The following HS3ST4 variants were observed in gnomAD, a reference collection of about 807,000 sequenced individuals.
HS3ST4 encodes the protein heparan sulfate-glucosamine 3-sulfotransferase 4.
HS3ST4 carries 17 observed loss-of-function variants against 29.2 expected under a neutral mutation model. The ratio of observed to expected loss-of-function variants is 0.58; its 90% confidence interval spans 0.40 to 0.87. The LOEUF is 0.87. HS3ST4 is among the 40% of genes least tolerant of loss of function. The pLI, the probability that HS3ST4 is intolerant of heterozygous loss-of-function variation, is 0.00. For missense variants in HS3ST4, 627 were observed against 634.5 expected (o/e 0.99, Z 0.13); for synonymous variants, 314 against 285.7 (o/e 1.10, Z -1.00).
chr16:25,919,688 G>A (rs1015482999), intron 1 of HS3ST4, among the ~76,000 whole-genome samples: 1 of 152,166 alleles, frequency 6.6e-6, no homozygotes, highest in Non-Finnish European at 1.5e-5. Context: ...CAGATGCTTT[G>A]AGGAAGAATT....
intron 1 of HS3ST4, among the ~76,000 whole-genome samples, chr16:26,129,969 G>A (rs1316919317): frequency 6.6e-6 from 1 of 152,202 alleles, no homozygotes; most frequent in Non-Finnish European, 1.5e-5. Context: ...AGGAATTCAA[G>A]GTTGCAGTGA....
intron 1 of HS3ST4, among the ~76,000 whole-genome samples, chr16:25,782,143 A>G (rs1567238852): frequency 6.6e-6 from 1 of 152,198 alleles, no homozygotes. Flanking sequence ...AGGAAAAACT[A>G]TAATTTACAA....
rs140596443 is a variant in HS3ST4 at position 26,115,266 on chromosome 16, TACACAC to T, written c.735-20330_735-20325del. Among the ~76,000 whole-genome samples, 5 of 148,578 alleles carry T rather than the reference TACACAC, an allele frequency of 3.4e-5. No homozygotes were observed. In the South Asian group the frequency reaches 6.4e-4, roughly 19 times the overall value. On this transcript the variant is annotated intron_variant, in intron 1 of 1. Transcript: ENST00000331351. ...GTGTGTATATATATATACATATATA[TACACAC>T]ACACACACACACACAAGTATAAACG... is the stretch of plus-strand genomic sequence containing the variant.
chr16:25,970,391 G>T (rs1208183904), intron 1 of HS3ST4, among the ~76,000 whole-genome samples: 1 of 152,210 alleles, frequency 6.6e-6, no homozygotes, highest in African/African-American at 2.4e-5. Flanking sequence ...AAGGAGAGTT[G>T]TGGCCTATGA....
chr16:25,894,251 C>T (rs1968038159), intron 1 of HS3ST4, among the ~76,000 whole-genome samples: 1 of 152,116 alleles, frequency 6.6e-6, no homozygotes, highest in Admixed American at 6.5e-5. Context: ...TCCTAGTTTA[C>T]AGGAGCAATT....
intron 1 of HS3ST4, among the ~76,000 whole-genome samples, chr16:25,717,452 A>T (rs886689839): frequency 6.6e-6 from 1 of 151,816 alleles, no homozygotes; most frequent in Non-Finnish European, 1.5e-5. Context: ...GACCAGGGAG[A>T]TTCCTCTGAA....
chr16:25,716,109 A>G (rs12445387), intron 1 of HS3ST4, among the ~76,000 whole-genome samples: 19,550 of 152,232 alleles, frequency 0.13, 1,316 homozygotes, highest in Non-Finnish European at 0.14. Flanking sequence ...CAACAAATAC[A>G]TTTATGTGTC....
intron 1 of HS3ST4, among the ~76,000 whole-genome samples, chr16:25,815,316 GTCTT>G (rs1967082429): frequency 1.3e-5 from 2 of 152,104 alleles, no homozygotes; most frequent in African/African-American, 4.8e-5. Flanking sequence ...CAATTTTGGA[GTCTT>G]TCTTTAAGCA....
At chr16:25,857,398 G>A (rs933498289) in intron 1 of HS3ST4, among the ~76,000 whole-genome samples, 14 of 152,148 alleles carry the variant, frequency 9.2e-5, no homozygotes, top group Admixed American at 2.6e-4. Context: ...TGGGAGTGAT[G>A]GGTTGTCTAA....
chr16:26,079,869 G>C (rs1281864076), intron 1 of HS3ST4, among the ~76,000 whole-genome samples: 1 of 152,184 alleles, frequency 6.6e-6, no homozygotes, highest in Non-Finnish European at 1.5e-5. Context: ...ATGTAAACAT[G>C]GATAGTAATG....
chr16:26,134,327 A>ATTTTCTTTTCTTTTC (rs757624599), intron 1 of HS3ST4, among the ~76,000 whole-genome samples: 1 of 129,726 alleles, frequency 7.7e-6, no homozygotes, highest in East Asian at 2.4e-4. Context: ...TCTCAACTGA[A>ATTTTCTTTTCTTTTC]TTTTCTTTTC....
intron 1 of HS3ST4, among the ~76,000 whole-genome samples, chr16:25,928,218 AGCCAGGCATT>A (rs1230812160): frequency 5.2e-4 from 79 of 151,240 alleles, no homozygotes; most frequent in African/African-American, 1.9e-3. Context: ...AAAAAAATTT[AGCCAGGCATT>A]GTGGCCTGTG....
At chr16:25,986,806 G>A (rs887126302) in intron 1 of HS3ST4, among the ~76,000 whole-genome samples, 1 of 152,230 alleles carries the variant, frequency 6.6e-6, no homozygotes, top group Non-Finnish European at 1.5e-5. Context: ...CTGATCATTA[G>A]GTGTTCCAGC....
intron 1 of HS3ST4, among the ~76,000 whole-genome samples, chr16:25,992,286 G>A (rs1335724012): frequency 1.3e-5 from 2 of 152,196 alleles, no homozygotes; most frequent in African/African-American, 2.4e-5. Context: ...AGATGAAACC[G>A]ATTTAGACCT....
chr16:25,752,646 C>G (rs1966729663), intron 1 of HS3ST4, among the ~76,000 whole-genome samples: 1 of 152,190 alleles, frequency 6.6e-6, no homozygotes. Flanking sequence ...TCTTCATTGT[C>G]TTAGATTAAC....
At chr16:26,032,252 G>T (rs1969537845) in intron 1 of HS3ST4, among the ~76,000 whole-genome samples, 1 of 152,126 alleles carries the variant, frequency 6.6e-6, no homozygotes, top group Non-Finnish European at 1.5e-5. Context: ...AGGTGGCCAT[G>T]TGTGTCAAAG....
chr16:26,028,623 C>T (rs2141751976), intron 1 of HS3ST4, among the ~76,000 whole-genome samples: 2 of 152,288 alleles, frequency 1.3e-5, no homozygotes, highest in Middle Eastern at 6.8e-3. Flanking sequence ...GGGCTAGTTT[C>T]TGTGCCAACC....
chr16:26,034,173 G>A (rs1027925792), intron 1 of HS3ST4, among the ~76,000 whole-genome samples: 1 of 152,248 alleles, frequency 6.6e-6, no homozygotes, highest in East Asian at 1.9e-4. Flanking sequence ...CTGGAAGGAG[G>A]ACAGAGCAAG....
At position 26,135,871 on chromosome 16, in the gene HS3ST4, C is replaced by G. The variant is rs267604480; in HGVS notation, c.994C>G (p.Arg332Gly). The change falls in exon 2 of 2, where the codon CGA becomes GGA. Residue 332 changes from arginine (R) to glycine (G), a missense_variant. Transcript: ENST00000331351. ...GATCGATGCTTCCTGGAGTGCCATT[C>G]GAATAGGGATCTATGCGCTGCATCT... ...GLIDASWSAI[R>G]IGIYALHLEN... is the part of the protein sequence containing the mutation. 1.2e-5 allele frequency: 19 copies of G among 1,613,922 alleles called. No homozygotes were observed. The highest frequency in any genetic ancestry group is 1.5e-5 in the Non-Finnish European group (18 of 1,179,866).
Sources: gnomAD v4.1 joint callset for allele counts (sites outside exome capture counted in the v4.1 genomes callset) on GRCh38, gnomAD v4.1.1 for gene constraint, MANE v1.5 for transcripts, NCBI Gene and HGNC (gene_info 2026-07-23, HGNC 2026-07-21) for gene names.